The following ANO1 variants were observed in gnomAD, a reference collection of about 807,000 sequenced individuals.
ANO1 encodes anoctamin 1.
ANO1 carries 59 observed loss-of-function variants against 124.0 expected under a neutral mutation model. The ratio of observed to expected loss-of-function variants is 0.48; its 90% CI spans 0.39 to 0.59. The LOEUF is 0.59. ANO1 is among the 20% of genes least tolerant of loss of function. The probability of loss-of-function intolerance (pLI) is 0.00; values close to 1 mark genes in which losing one functional copy is unlikely to be tolerated. For synonymous variants in ANO1, 529 were observed against 532.0 expected (o/e 0.99, Z 0.08); for missense variants, 1,059 against 1,328.0 (o/e 0.80, Z 3.15).
At chr11:70,148,470 T>C (rs1243531292) in intron 11 of ANO1, among the ~76,000 whole-genome samples, 1 of 152,192 alleles carries the variant, frequency 6.6e-6, no homozygotes, top group Non-Finnish European at 1.5e-5. Flanking sequence ...TATTGAACTC[T>C]GGTATTATTG....
At chr11:70,096,578 C>T (rs1246064168) in intron 2 of ANO1, among the ~76,000 whole-genome samples, 1 of 152,140 alleles carries the variant, frequency 6.6e-6, no homozygotes, top group East Asian at 1.9e-4. Flanking sequence ...GGAACAGTTT[C>T]AGCCGGGAGC....
intron 1 of ANO1, among the ~76,000 whole-genome samples, chr11:70,033,511 G>T (rs184085220): frequency 1.3e-4 from 20 of 152,260 alleles, no homozygotes; most frequent in Non-Finnish European, 2.9e-4. Context: ...TGATGCTTCT[G>T]TGTCCCCTCC....
At chr11:70,138,502 G>A (rs549859918) in intron 11 of ANO1, among the ~76,000 whole-genome samples, 44 of 140,406 alleles carry the variant, frequency 3.1e-4, no homozygotes, top group African/African-American at 7.2e-4. Flanking sequence ...GTGAAAGTCC[G>A]TCTCAAAAAA....
intron 10 of ANO1, among the ~76,000 whole-genome samples, chr11:70,130,008 G>A (rs556644243): frequency 7.7e-4 from 118 of 152,332 alleles, no homozygotes; most frequent in Non-Finnish European, 1.4e-3. Context: ...CACAGAGGAG[G>A]CCCTTCAGAG....
intron 1 of ANO1, among the ~76,000 whole-genome samples, chr11:69,988,627 A>C (rs1856093256): frequency 6.6e-6 from 1 of 152,208 alleles, no homozygotes; most frequent in South Asian, 2.1e-4. Flanking sequence ...CCACTCTCCC[A>C]GGGAGCAATT....
intron 19 of ANO1, among the ~76,000 whole-genome samples, chr11:70,164,412 A>T (rs1452081625): frequency 2.0e-5 from 3 of 152,228 alleles, no homozygotes; most frequent in Non-Finnish European, 4.4e-5. Flanking sequence ...CCTCCTCCAC[A>T]GTAATGGGCA....
intron 1 of ANO1, among the ~76,000 whole-genome samples, chr11:70,010,174 T>C (rs1555000828): frequency 4.4e-5 from 5 of 113,546 alleles, no homozygotes; most frequent in African/African-American, 1.2e-4. Context: ...TGCGCGTGTG[T>C]GTGTGTATAT....
chr11:70,142,927 G>A (rs554999226), intron 11 of ANO1, among the ~76,000 whole-genome samples: 5 of 152,220 alleles, frequency 3.3e-5, no homozygotes, highest in Non-Finnish European at 2.9e-5. Flanking sequence ...AGCTAAACCC[G>A]ATCAACCCCC....
At chr11:69,984,436 G>A (rs190600703), upstream of ANO1, among the ~76,000 whole-genome samples, 11 of 133,544 alleles carry the variant, frequency 8.2e-5, no homozygotes, top group East Asian at 2.3e-3. Context: ...AAGGAAAATG[G>A]CAGGTCACCT....
intron 2 of ANO1, among the ~76,000 whole-genome samples, chr11:70,093,497 G>A (rs539363746): frequency 1.8e-4 from 27 of 152,280 alleles, no homozygotes; most frequent in Non-Finnish European, 3.2e-4. Context: ...GGGTCATTGC[G>A]GAGAACGCCA....
At position 70,025,071 on chromosome 11, in the gene ANO1, C is replaced by T. The variant is rs559384800; in HGVS notation, c.58+38905C>T. On this transcript the variant is annotated intron_variant, in intron 1 of 27. Coordinates refer to the ANO1 transcript ENST00000531349. ...ACAAGAAAATGAAAATAAAAGCCTTCCATGGCTGTTCAGGAAACCACATGG... is the reference window on the plus strand; with the variant it reads ...ACAAGAAAATGAAAATAAAAGCCTTTCATGGCTGTTCAGGAAACCACATGG... Among the ~76,000 whole-genome samples, 48 of 152,268 alleles carry T rather than the reference C, an allele frequency of 3.2e-4. No individual in the cohort carries two copies. In the South Asian group the frequency reaches 9.8e-3, roughly 31 times the overall value.
rs531488234 is a variant in ANO1 at position 70,183,835 on chromosome 11, G to A, written c.2588+1149G>A. Among the ~76,000 whole-genome samples the A allele has an allele frequency of 2.7e-3, 408 of 152,256 alleles. 1 individual carries two copies. The highest frequency in any genetic ancestry group is 9.4e-3 in the African/African-American group (391 of 41,548). On this transcript the variant is annotated intron_variant, in intron 24 of 25. Coordinates refer to ENST00000355303, the MANE Select transcript of ANO1 (RefSeq NM_018043.7). ...GCAAGGGCCCTATCTGTTGTGCACC[G>A]CCCCCCACCCCGGAATTCTCCATCC...
At chr11:70,097,724 G>T (rs533258628) in intron 2 of ANO1, among the ~76,000 whole-genome samples, 1 of 152,336 alleles carries the variant, frequency 6.6e-6, no homozygotes, top group Admixed American at 6.5e-5. Context: ...TAGTCTGAAA[G>T]CCGGGGCTGT....
chr11:69,968,095 A>T, the ANO1 span, among the ~76,000 whole-genome samples: 5 of 152,142 alleles, frequency 3.3e-5, no homozygotes, highest in African/African-American at 1.2e-4. Context: ...CCCATCCTTC[A>T]TCCCAAGGTT....
chr11:70,054,301 G>A (rs1857400005), intron 1 of ANO1, among the ~76,000 whole-genome samples: 1 of 152,218 alleles, frequency 6.6e-6, no homozygotes, highest in South Asian at 2.1e-4. Flanking sequence ...CATCCCCACT[G>A]GGTTTGTCCT....
upstream of ANO1, among the ~76,000 whole-genome samples, chr11:69,982,361 C>A (rs1182608650): frequency 6.6e-6 from 1 of 152,280 alleles, no homozygotes; most frequent in African/African-American, 2.4e-5. Context: ...TCTGCCAGAA[C>A]CCCCTAAAAG....
At chr11:70,167,439 A>G (rs1422392123) in intron 21 of ANO1, 52 bp downstream of exon 21, 8 of 1,567,352 alleles carry the variant, frequency 5.1e-6, no homozygotes, top group Non-Finnish European at 6.9e-6. Flanking sequence ...ACAGGCCAGC[A>G]TGCCACCTGG....
intron 1 of ANO1, among the ~76,000 whole-genome samples, chr11:69,996,254 C>T (rs1287197988): frequency 2.0e-5 from 3 of 152,204 alleles, no homozygotes; most frequent in Non-Finnish European, 4.4e-5. Flanking sequence ...ACACTGGGAT[C>T]CTCCTTAACT....
In ANO1 at chr11:70,124,340, T is replaced by G; in HGVS notation, c.898-10T>G. ...CATTGTCACCAACCCCACTGCTTCC[T>G]CCCCCTCAGCTCCTGTACGAAGAGT... On this transcript the variant is annotated splice_polypyrimidine_tract_variant and intron_variant, in intron 8 of 25. Transcript: ENST00000355303. 1 of 1,613,582 alleles carries G rather than the reference T, an allele frequency of 6.2e-7. No individual in the cohort carries two copies. The highest frequency in any genetic ancestry group is 8.5e-7 in the Non-Finnish European group (1 of 1,179,688).
Sources: gnomAD v4.1 joint callset for allele counts (sites outside exome capture counted in the v4.1 genomes callset) on GRCh38, gnomAD v4.1.1 for gene constraint, MANE v1.5 for transcripts, NCBI Gene and HGNC (gene_info 2026-07-23, HGNC 2026-07-21) for gene names.